EYA3: variants seen among roughly 807,000 people sequenced by gnomAD.
EYA3 encodes EYA transcriptional coactivator and phosphatase 3.
A neutral mutation model predicts 80.0 loss-of-function variants in EYA3; 39 were observed. The ratio of observed to expected loss-of-function variants is 0.49; its 90% CI spans 0.38 to 0.64. EYA3 has a LOEUF of 0.64. EYA3 is among the 30% of genes least tolerant of loss of function. EYA3 has a pLI of 0.00. For missense variants in EYA3, 523 were observed against 676.1 expected (o/e 0.77, Z 2.51); for synonymous variants, 206 against 232.8 (o/e 0.88, Z 1.05).
chr1:28,027,652 C>A, intron 7 of EYA3, 137 bp downstream of exon 7: 7 of 1,120,092 alleles, frequency 6.2e-6, no homozygotes, highest in Non-Finnish European at 8.9e-6. Flanking sequence ...ATGCACAAAT[C>A]CAAGTATCAC....
At position 27,989,956 on chromosome 1, in the gene EYA3, G is replaced by A. The variant is rs943105576; in HGVS notation, c.1304-145C>T. 82 of 401,500 alleles carry A rather than the reference G, an allele frequency of 2.0e-4. 1 individual carries two copies. Among genetic ancestry groups the A allele is most frequent in the African/African-American group, 2.3e-4 (11 of 47,276 alleles). 24.9% of individuals were successfully genotyped at this position (401,500 alleles called of 1,614,324 possible). On this transcript the variant is annotated intron_variant, in intron 14 of 17. Transcript: ENST00000373871. ...TTTATATATATATATATACATATAC[G>A]TATTTTTTTCCCATGAACACATGTG...
In EYA3 at chr1:28,013,254, T is replaced by TG; in HGVS notation, c.625dup (p.Gln209ProfsTer16). ...AAAGCTGGAGCTGGGGTAGCAGGCC[T>TG]GGTACTGATTCTGACCAAGAATAGT... On this transcript the variant is annotated frameshift_variant, in exon 9 of 18. Coordinates refer to ENST00000373871, the MANE Select transcript of EYA3 (RefSeq NM_001990.4). LOFTEE classifies it high-confidence loss of function. The surrounding 1 kb of genome is among the most constrained non-coding windows in gnomAD (Gnocchi z 4.0). The TG allele has an allele frequency of 6.2e-7, 1 of 1,614,100 alleles. No individual in the cohort carries two copies. The highest frequency in any genetic ancestry group is 8.5e-7 in the Non-Finnish European group (1 of 1,179,986).
intron 2 of EYA3, among the ~76,000 whole-genome samples, chr1:28,054,105 T>A (rs899114062): frequency 6.6e-6 from 1 of 152,210 alleles, no homozygotes; most frequent in Non-Finnish European, 1.5e-5. Flanking sequence ...ATATTCCATA[T>A]GCTAGAGGGG....
At chr1:28,084,580 TATATATATATATA>T (rs1557659555) in intron 1 of EYA3, among the ~76,000 whole-genome samples, 26 of 15,832 alleles carry the variant, frequency 1.6e-3, no homozygotes, top group Non-Finnish European at 2.8e-3. Context: ...TATATATATA[TATATATATATATA>T]TATTTTTTTT....
At chr1:28,078,006 T>A (rs1645283921) in intron 1 of EYA3, among the ~76,000 whole-genome samples, 1 of 152,208 alleles carries the variant, frequency 6.6e-6, no homozygotes, top group South Asian at 2.1e-4. Context: ...CTAGGTTCAG[T>A]TTTTTTATTA....
At chr1:28,088,305 GC>G (rs1031942210) in intron 1 of EYA3, among the ~76,000 whole-genome samples, 4 of 152,204 alleles carry the variant, frequency 2.6e-5, no homozygotes, top group Admixed American at 1.3e-4. Flanking sequence ...AGGAAAAACA[GC>G]GAGGCGACAG....
At chr1:28,063,960 C>T (rs1644736014) in intron 1 of EYA3, among the ~76,000 whole-genome samples, 1 of 151,678 alleles carries the variant, frequency 6.6e-6, no homozygotes, top group South Asian at 2.1e-4. Context: ...TTCACCCACA[C>T]ATTTTAGACA....
intron 6 of EYA3, among the ~76,000 whole-genome samples, chr1:28,029,234 A>T (rs1212792098): frequency 6.6e-6 from 1 of 152,200 alleles, no homozygotes; most frequent in East Asian, 1.9e-4. Context: ...AATAGCACAC[A>T]TACCTTTAGA....
At chr1:27,982,767 G>A (rs1171227417) in intron 16 of EYA3, among the ~76,000 whole-genome samples, 1 of 151,936 alleles carries the variant, frequency 6.6e-6, no homozygotes, top group Admixed American at 6.6e-5. Flanking sequence ...TGTATTTTTT[G>A]CAGAGATGGG....
At chr1:28,017,390 G>C (rs1642144080) in intron 7 of EYA3, 151 bp from the exon 8 acceptor site, 1 of 565,752 alleles carries the variant, frequency 1.8e-6, no homozygotes, top group African/African-American at 1.9e-5. Flanking sequence ...TTTTGTGTGG[G>C]ATAGCTACAT....
chr1:28,033,916 C>T (rs1322952970), intron 6 of EYA3, among the ~76,000 whole-genome samples: 7 of 150,606 alleles, frequency 4.6e-5, no homozygotes, highest in East Asian at 2.1e-4. Context: ...CAAACGGGGC[C>T]GGGCGTGGTG....
chr1:27,971,008 G>A lies in EYA3; in HGVS notation c.*3458C>T, dbSNP rs1056133920. The A allele has an allele frequency of 3.3e-5, 5 of 152,238 alleles. No individual in the cohort carries two copies. The highest frequency in any genetic ancestry group is 1.2e-4 in the African/African-American group (5 of 41,466). The allele number at this position is 152,238 out of a possible 1,614,324, so 9.4% of individuals were successfully genotyped here. ...TTTGGAATTTTAAAGCTGAGTTTGTGTAAACTGCGAACAAGCTGTGGCATC... is the reference window on the plus strand; with the variant it reads ...TTTGGAATTTTAAAGCTGAGTTTGTATAAACTGCGAACAAGCTGTGGCATC... On this transcript the variant is annotated 3_prime_UTR_variant, in exon 18 of 18. Coordinates refer to ENST00000373871, the MANE Select transcript of EYA3 (RefSeq NM_001990.4).
At chr1:28,026,476 G>A (rs1642793473) in intron 7 of EYA3, among the ~76,000 whole-genome samples, 1 of 152,118 alleles carries the variant, frequency 6.6e-6, no homozygotes, top group Admixed American at 6.6e-5. Context: ...ACATTAGCTG[G>A]GTGTGGTGGT....
At chr1:27,993,710 T>C (rs930274197) in intron 13 of EYA3, 150 bp from the exon 14 acceptor site, 1 of 562,380 alleles carries the variant, frequency 1.8e-6, no homozygotes, top group Non-Finnish European at 2.9e-6. Flanking sequence ...GAGTCTATCT[T>C]TCATTAGTTC....
At chr1:27,975,572 G>A (rs1317041371) in intron 17 of EYA3, among the ~76,000 whole-genome samples, 2 of 143,090 alleles carry the variant, frequency 1.4e-5, no homozygotes, top group African/African-American at 2.6e-5. Context: ...TGCAAGCTCC[G>A]CCTCCCGGGT....
chr1:28,016,520 G>A (rs1270358199), intron 8 of EYA3, among the ~76,000 whole-genome samples: 5 of 137,818 alleles, frequency 3.6e-5, no homozygotes, highest in South Asian at 2.5e-4. Context: ...CAGAGTGAGT[G>A]AGACTCCATC....
intron 10 of EYA3, chr1:28,010,695 A>G: frequency 2.4e-6 from 1 of 411,656 alleles, no homozygotes; most frequent in East Asian, 4.9e-5. Context: ...AATAGAGAAC[A>G]GTATGACTTT....
At chr1:27,986,859 C>G (rs146624176) in intron 16 of EYA3, among the ~76,000 whole-genome samples, 6 of 152,096 alleles carry the variant, frequency 3.9e-5, no homozygotes, top group Admixed American at 1.3e-4. Flanking sequence ...AGTGCCACCA[C>G]GCCCAGCTAA....
intron 1 of EYA3, among the ~76,000 whole-genome samples, chr1:28,074,262 A>G (rs899456596): frequency 1.3e-5 from 2 of 152,176 alleles, no homozygotes; most frequent in African/African-American, 4.8e-5. Context: ...ATTCTACCCT[A>G]TCTTAAACAC....
Sources: gnomAD v4.1 joint callset for allele counts (sites outside exome capture counted in the v4.1 genomes callset) on GRCh38, gnomAD v4.1.1 for gene constraint, Gnocchi (gnomAD v3.1) non-coding constraint, MANE v1.5 for transcripts, NCBI Gene and HGNC (gene_info 2026-07-23, HGNC 2026-07-21) for gene names.